The following DLGAP4 variants were observed in gnomAD, a reference collection of about 807,000 sequenced individuals.
DLGAP4 encodes DLG associated protein 4.
In DLGAP4, 18 loss-of-function variants were observed where a neutral mutation model predicts 86.9. That is an observed-to-expected ratio of 0.21 (90% CI 0.14 to 0.31). DLGAP4 has a LOEUF of 0.31. DLGAP4 is among the 10% of genes least tolerant of loss of function. DLGAP4 has a pLI of 1.00. For synonymous variants in DLGAP4, 548 were observed against 574.3 expected (o/e 0.95, Z 0.65); for missense variants, 1,085 against 1,362.6 (o/e 0.80, Z 3.21).
At chr20:36,465,748 A>G (rs2147636413) in intron 7 of DLGAP4, among the ~76,000 whole-genome samples, 1 of 152,310 alleles carries the variant, frequency 6.6e-6, no homozygotes, top group Non-Finnish European at 1.5e-5. Context: ...CTTTCTTCCC[A>G]GAAGCTCAGA....
intron 7 of DLGAP4, among the ~76,000 whole-genome samples, chr20:36,471,026 G>A (rs1186107144): frequency 3.3e-5 from 5 of 152,138 alleles, no homozygotes; most frequent in African/African-American, 9.7e-5. Context: ...GAGTCTGTGC[G>A]CTTAAAATTT....
At chr20:36,420,912 T>G (rs2341169) in intron 2 of DLGAP4, among the ~76,000 whole-genome samples, 130,077 of 151,772 alleles carry the variant, frequency 0.86, 56,249 homozygotes, top group East Asian at 1. Flanking sequence ...GGCGGAGGTT[T>G]CAGTGAGCCA....
intron 1 of DLGAP4, among the ~76,000 whole-genome samples, chr20:36,355,282 T>TTTTC (rs199914581): frequency 2.4e-4 from 37 of 151,720 alleles, no homozygotes; most frequent in East Asian, 1.5e-3. Context: ...TCTTGTTCTT[T>TTTTC]TTTCTTTCTT....
In DLGAP4 at chr20:36,438,703, C is replaced by CTT. The variant is rs35909803; in HGVS notation, c.1242-1029_1242-1028dup. Among the ~76,000 whole-genome samples, 392 of 69,522 alleles carry CTT rather than the reference C, an allele frequency of 5.6e-3. 6 individuals are homozygous for CTT. The highest frequency in any genetic ancestry group is 0.016 in the African/African-American group (344 of 21,878). The allele number at this position is 69,522 out of a possible 152,430, so 45.6% of individuals were successfully genotyped here. On this transcript the variant is annotated intron_variant, in intron 4 of 12. Coordinates refer to ENST00000339266, the MANE Select transcript of DLGAP4 (RefSeq NM_001365621.2). Reference sequence around the variant, plus strand: ...CACCACGCCTGGTCAGTTTCCCCATCTTTTTTTTTTTTTTTTTTTTTTTGA... The same window carrying CTT: ...CACCACGCCTGGTCAGTTTCCCCATCTTTTTTTTTTTTTTTTTTTTTTTTTGA...
intron 7 of DLGAP4, among the ~76,000 whole-genome samples, chr20:36,482,668 T>C (rs2035239945): frequency 6.6e-6 from 1 of 152,048 alleles, no homozygotes; most frequent in Non-Finnish European, 1.5e-5. Context: ...GGTTGTTTTT[T>C]TGTTTTTGTT....
intron 2 of DLGAP4, among the ~76,000 whole-genome samples, chr20:36,400,035 C>T (rs1332564213): frequency 6.6e-6 from 1 of 152,194 alleles, no homozygotes; most frequent in African/African-American, 2.4e-5. Context: ...TCCTGCCAGC[C>T]ATTCCTGTAG....
At chr20:36,396,321 GCACACACACACACACGCACA>G (rs2031947804) in intron 2 of DLGAP4, among the ~76,000 whole-genome samples, 1 of 1,962 alleles carries the variant, frequency 5.1e-4, no homozygotes, top group Non-Finnish European at 1.2e-3. Flanking sequence ...CCAGAACCCA[GCACACACACACACACGCACA>G]CACACACACA....
At chr20:36,372,755 CTGTT>C (rs761848129) in intron 2 of DLGAP4, among the ~76,000 whole-genome samples, 48 of 152,204 alleles carry the variant, frequency 3.2e-4, no homozygotes, top group Admixed American at 1.4e-3. Context: ...ACCCAATTCT[CTGTT>C]TGTGAGAGTT....
chr20:36,446,567 G>C, intron 6 of DLGAP4, 130 bp from the exon 7 acceptor site: 1 of 806,238 alleles, frequency 1.2e-6, no homozygotes, highest in Middle Eastern at 3.8e-4. Flanking sequence ...CGCTGAGTGA[G>C]ATGGACAGGG....
rs1344674356 is a variant in DLGAP4, at chr20:36,381,176, T to C, written c.-73+13901T>C. Among the ~76,000 whole-genome samples the C allele has an allele frequency of 5.3e-5, 8 of 152,232 alleles. 1 individual carries two copies. The South Asian group carries it at 8.3e-4, about 16-fold the overall frequency. On this transcript the variant is annotated intron_variant, in intron 2 of 12. Transcript: ENST00000339266. ...TACCTACATGTATTCATTCATTCAT[T>C]CAGCAAGCAAGCAAGCATATATTGT...
chr20:36,504,251 C>T (rs2036268022), intron 10 of DLGAP4, among the ~76,000 whole-genome samples: 1 of 152,160 alleles, frequency 6.6e-6, no homozygotes, highest in Non-Finnish European at 1.5e-5. Flanking sequence ...CCCCATTATC[C>T]CCTCTGCCTA....
At chr20:36,386,680 GC>G (rs773027894) in intron 2 of DLGAP4, among the ~76,000 whole-genome samples, 32 of 152,062 alleles carry the variant, frequency 2.1e-4, no homozygotes, top group Admixed American at 1.3e-3. Flanking sequence ...GACCTCCCAG[GC>G]TCAAGTGATC....
At chr20:36,344,776 G>A (rs782120449) in intron 1 of DLGAP4, among the ~76,000 whole-genome samples, 2 of 152,234 alleles carry the variant, frequency 1.3e-5, no homozygotes, top group Non-Finnish European at 2.9e-5. Flanking sequence ...GTCCTATTCA[G>A]TGGGATGAGA....
intron 10 of DLGAP4, among the ~76,000 whole-genome samples, chr20:36,521,312 T>C (rs948751852): frequency 6.6e-6 from 1 of 152,222 alleles, no homozygotes; most frequent in African/African-American, 2.4e-5. Flanking sequence ...AGAACTCTGA[T>C]AGATGCATGT....
intron 7 of DLGAP4, among the ~76,000 whole-genome samples, chr20:36,485,348 T>TC (rs1222679821): frequency 3.1e-5 from 4 of 128,734 alleles, no homozygotes; most frequent in African/African-American, 1.3e-4. Context: ...TGAGACCCTG[T>TC]CCCAAAAAAA....
intron 7 of DLGAP4, 126 bp from the exon 8 acceptor site, chr20:36,496,579 C>T (rs561474304): frequency 2.7e-4 from 386 of 1,422,672 alleles, no homozygotes; most frequent in Middle Eastern, 1.1e-3. Context: ...GAAATCCTTG[C>T]GGACGGAATG....
intron 2 of DLGAP4, among the ~76,000 whole-genome samples, chr20:36,398,401 A>C (rs1427244952): frequency 6.6e-6 from 1 of 152,164 alleles, no homozygotes; most frequent in Admixed American, 6.5e-5. Flanking sequence ...GTATGGAGTA[A>C]CTCTTGGCAA....
chr20:36,504,510 G>C (rs2036278749), intron 10 of DLGAP4, among the ~76,000 whole-genome samples: 1 of 152,084 alleles, frequency 6.6e-6, no homozygotes, highest in African/African-American at 2.4e-5. Context: ...TTAATTCTTT[G>C]GGGAGTGAAA....
intron 2 of DLGAP4, among the ~76,000 whole-genome samples, chr20:36,378,502 A>G (rs1008409629): frequency 1.6e-4 from 25 of 152,260 alleles, no homozygotes; most frequent in Non-Finnish European, 2.6e-4. Flanking sequence ...ATACCAGGGC[A>G]TTTCAGACTT....
Sources: allele counts gnomAD v4.1 joint callset (sites outside exome capture counted in the v4.1 genomes callset), GRCh38; gene constraint gnomAD v4.1.1; transcripts MANE v1.5; gene names NCBI Gene and HGNC (gene_info 2026-07-23, HGNC 2026-07-21).